BBS9: variants seen among roughly 807,000 people sequenced by gnomAD.
BBS9 encodes the protein protein PTHB1.
In BBS9, 89 loss-of-function variants were observed where a neutral mutation model predicts 117.7. The observed-to-expected ratio is 0.76, with a 90% CI of 0.64 to 0.90. BBS9 has a LOEUF of 0.90. Among genes scored for constraint, BBS9 ranks in the 40% least tolerant of loss-of-function variants. The pLI is 0.00. For synonymous variants in BBS9, 379 were observed against 370.9 expected, an observed-to-expected ratio of 1.02 and a Z score of -0.25; for missense variants, 982 against 1,042.2, an observed-to-expected ratio of 0.94 and a Z score of 0.80.
At chr7:33,399,006 A>G (rs1035720150) in intron 19 of BBS9, among the ~76,000 whole-genome samples, 4 of 152,190 alleles carry the variant, frequency 2.6e-5, no homozygotes, top group Non-Finnish European at 5.9e-5. Context: ...AACTCTATAT[A>G]TTCAATATAT....
At chr7:33,267,078 A>G (rs1418863645) in intron 7 of BBS9, among the ~76,000 whole-genome samples, 3 of 152,084 alleles carry the variant, frequency 2.0e-5, no homozygotes, top group East Asian at 3.9e-4. Flanking sequence ...TTTGCTTCAG[A>G]TATTTTGGAA....
chr7:33,604,998 C>T (rs1864375710), intron 22 of BBS9, 23 bp downstream of exon 22: 1 of 1,568,468 alleles, frequency 6.4e-7, no homozygotes, highest in Non-Finnish European at 8.8e-7. Flanking sequence ...ATGGCCTTCA[C>T]AAGCGTTAGT....
intron 5 of BBS9, among the ~76,000 whole-genome samples, chr7:33,200,789 A>C (rs1451329472): frequency 1.3e-5 from 2 of 152,048 alleles, no homozygotes; most frequent in African/African-American, 4.8e-5. Flanking sequence ...GGCTTTTCTT[A>C]TAGCAGGTTT....
chr7:33,165,504 A>G (rs1020557694), intron 4 of BBS9, among the ~76,000 whole-genome samples: 6 of 149,868 alleles, frequency 4.0e-5, no homozygotes, highest in African/African-American at 1.5e-4. Context: ...ATAGTTCCAT[A>G]TTTCTTGGAG....
chr7:33,416,400 A>G (rs1421027965), intron 19 of BBS9, among the ~76,000 whole-genome samples: 2 of 151,836 alleles, frequency 1.3e-5, no homozygotes, highest in Non-Finnish European at 2.9e-5. Context: ...GTAAAACTAT[A>G]AAAAGAAAGA....
chr7:33,590,462 T>G (rs980366543), intron 21 of BBS9, among the ~76,000 whole-genome samples: 29 of 145,296 alleles, frequency 2.0e-4, no homozygotes, highest in South Asian at 1.9e-3. Flanking sequence ...TTTTTTTGTT[T>G]TTTTTTTTTT....
chr7:33,626,865 T>C (rs1401171515), intron 21 of BBS9, among the ~76,000 whole-genome samples: 2 of 152,186 alleles, frequency 1.3e-5, no homozygotes. Flanking sequence ...AAACTAGAAC[T>C]TATATTTAAA....
At position 33,371,657 on chromosome 7, in the gene BBS9, G is replaced by A. The variant is rs115656973; in HGVS notation, c.1789+3795G>A. The stretch of plus-strand genomic sequence containing the variant: ...TAACTTCTCTGTAACAGGAGGGATC[G>A]TATGTACACCTAGGGAGACTTTGTA... On this transcript the variant is annotated intron_variant, in intron 17 of 22. Coordinates refer to ENST00000242067, the MANE Select transcript of BBS9 (RefSeq NM_198428.3). Among the ~76,000 whole-genome samples the A allele has an allele frequency of 2.8e-3, 428 of 152,152 alleles. 2 individuals carry two copies. Among genetic ancestry groups the A allele is most frequent in the African/African-American group, 9.8e-3 (406 of 41,530 alleles).
intron 21 of BBS9, among the ~76,000 whole-genome samples, chr7:33,564,223 T>C (rs1295924047): frequency 6.6e-6 from 1 of 152,174 alleles, no homozygotes; most frequent in Non-Finnish European, 1.5e-5. Context: ...TCTTACACTA[T>C]CCACCCATGG....
At chr7:33,516,354 T>TGGC (rs1285396951) in intron 20 of BBS9, among the ~76,000 whole-genome samples, 1 of 151,540 alleles carries the variant, frequency 6.6e-6, no homozygotes, top group Non-Finnish European at 1.5e-5. Flanking sequence ...CCTGGTGCGG[T>TGGC]GGCAGGCACC....
At chr7:33,531,652 C>G (rs987126994) in intron 20 of BBS9, among the ~76,000 whole-genome samples, 8 of 152,142 alleles carry the variant, frequency 5.3e-5, no homozygotes, top group African/African-American at 1.7e-4. Flanking sequence ...ATTGCTGTCT[C>G]CACAGATAAA....
At chr7:33,365,142 G>GA (rs1384882254) in intron 16 of BBS9, among the ~76,000 whole-genome samples, 1 of 145,706 alleles carries the variant, frequency 6.9e-6, no homozygotes, top group Admixed American at 6.9e-5. Context: ...CAATTATTTT[G>GA]AATTCTTTGT....
At chr7:33,160,450 C>G (rs1188391673) in intron 4 of BBS9, among the ~76,000 whole-genome samples, 1 of 152,158 alleles carries the variant, frequency 6.6e-6, no homozygotes, top group African/African-American at 2.4e-5. Context: ...GCTGCAAAAT[C>G]CTTCACAAAT....
At chr7:33,634,588 C>T (rs2129232235) in intron 21 of BBS9, among the ~76,000 whole-genome samples, 1 of 152,300 alleles carries the variant, frequency 6.6e-6, no homozygotes, top group Admixed American at 6.5e-5. Flanking sequence ...GCTATCTTAC[C>T]TTGGTCCTAT....
chr7:33,329,460 G>T (rs1378566787), intron 9 of BBS9, among the ~76,000 whole-genome samples: 1 of 152,000 alleles, frequency 6.6e-6, no homozygotes, highest in African/African-American at 2.4e-5. Context: ...AGAATAAAAT[G>T]TACATGCAGT....
chr7:33,267,356 A>C (rs1159733805), intron 7 of BBS9, among the ~76,000 whole-genome samples: 1 of 152,162 alleles, frequency 6.6e-6, no homozygotes, highest in South Asian at 2.1e-4. Context: ...TTTGCTTTTT[A>C]AAATCAGTGT....
intron 19 of BBS9, among the ~76,000 whole-genome samples, chr7:33,456,412 A>G (rs1241419527): frequency 6.6e-6 from 1 of 152,180 alleles, no homozygotes; most frequent in Non-Finnish European, 1.5e-5. Context: ...TAGATAATAA[A>G]AGAAATAAGA....
intron 12 of BBS9, among the ~76,000 whole-genome samples, chr7:33,344,903 C>T (rs574118021): frequency 6.6e-6 from 1 of 152,184 alleles, no homozygotes; most frequent in South Asian, 2.1e-4. Context: ...TAGCATGATC[C>T]AGGCTTTTTT....
intron 5 of BBS9, among the ~76,000 whole-genome samples, chr7:33,214,661 A>G (rs1788691324): frequency 6.6e-6 from 1 of 152,184 alleles, no homozygotes; most frequent in Non-Finnish European, 1.5e-5. Context: ...AGATCTTTAC[A>G]ATGAAAACTA....
Sources: allele counts gnomAD v4.1 joint callset (sites outside exome capture counted in the v4.1 genomes callset), GRCh38; gene constraint gnomAD v4.1.1; transcripts MANE v1.5; gene names NCBI Gene and HGNC (gene_info 2026-07-23, HGNC 2026-07-21).